Variants in KLHL14 observed in about 807,000 individuals in gnomAD.
KLHL14 encodes the protein kelch-like protein 14.
Under a neutral mutation model 64.3 loss-of-function variants are expected in KLHL14, and 22 were observed. That is an observed-to-expected ratio of 0.34 (90% confidence interval 0.24 to 0.49). The LOEUF (loss-of-function observed/expected upper bound fraction) is 0.49, where lower values mean the gene tolerates loss of function less well. Ranked by LOEUF, KLHL14 falls within the 20% of genes least tolerant of loss-of-function variation. KLHL14 has a pLI of 0.99. For missense variants in KLHL14, 661 were observed against 789.0 expected (o/e 0.84, Z 1.94); for synonymous variants, 322 against 333.4 (o/e 0.97, Z 0.37).
intron 3 of KLHL14, among the ~76,000 whole-genome samples, chr18:32,739,701 AAT>A (rs1217579171): frequency 2.8e-5 from 4 of 142,238 alleles, no homozygotes; most frequent in Non-Finnish European, 6.4e-5. Context: ...AAATCTAATA[AAT>A]AGAGTCAATA....
Position 32,683,488 on chromosome 18 carries a change from G to A in KLHL14, c.1239-2889C>T, listed in dbSNP as rs1409158719. On this transcript the variant is annotated intron_variant, in intron 5 of 8. Transcript: ENST00000359358. This position sits in a 1 kb window ranked among gnomAD's most constrained non-coding sequence, Gnocchi z 4.2. ...CCCATACCAGGTCTCTCTTGACAAT[G>A]CTCCCTGCCCCTCTTCGCCACATGA... Among the ~76,000 whole-genome samples the A allele has an allele frequency of 6.6e-6, 1 of 152,112 alleles. No individual in the cohort carries two copies. Among genetic ancestry groups the A allele is most frequent in the African/African-American group, 2.4e-5 (1 of 41,440 alleles).
In KLHL14 at chr18:32,684,917, G is replaced by C. The variant is rs146635292; in HGVS notation, c.1238+2238C>G. ...CATTTTAAGTTATGGATTGTTGCCTGGGTCAACCAGCCCATAGGAGAGATG... is the reference window on the plus strand; with the variant it reads ...CATTTTAAGTTATGGATTGTTGCCTCGGTCAACCAGCCCATAGGAGAGATG... On this transcript the variant is annotated intron_variant, in intron 5 of 8. Transcript: ENST00000359358. 3.1e-3 allele frequency among the ~76,000 whole-genome samples: 476 copies of C among 152,102 alleles called. 1 individual carries two copies. The highest frequency in any genetic ancestry group is 0.011 in the African/African-American group (458 of 41,496).
chr18:32,696,567 G>A (rs2144486973), intron 3 of KLHL14, among the ~76,000 whole-genome samples: 1 of 152,300 alleles, frequency 6.6e-6, no homozygotes, highest in East Asian at 1.9e-4. Flanking sequence ...GAGGTGATGT[G>A]CATGTTCAGG....
intron 2 of KLHL14, among the ~76,000 whole-genome samples, chr18:32,760,613 T>C (rs2050309488): frequency 6.6e-6 from 1 of 152,176 alleles, no homozygotes; most frequent in Non-Finnish European, 1.5e-5. Context: ...AGCTGAGCTC[T>C]GAGGAAGTTC....
chr18:32,700,438 C>G (rs1012753621), intron 3 of KLHL14, among the ~76,000 whole-genome samples: 1 of 152,134 alleles, frequency 6.6e-6, no homozygotes, highest in Non-Finnish European at 1.5e-5. Flanking sequence ...CCACCCTCAG[C>G]CTTTCAGTTC....
intron 3 of KLHL14, among the ~76,000 whole-genome samples, chr18:32,729,218 G>C (rs1234837960): frequency 6.6e-6 from 1 of 152,170 alleles, no homozygotes; most frequent in African/African-American, 2.4e-5. Context: ...TTGTTTCCTT[G>C]CCTGTAGGGA....
chr18:32,710,895 A>C (rs2144499967), intron 3 of KLHL14, among the ~76,000 whole-genome samples: 1 of 151,310 alleles, frequency 6.6e-6, no homozygotes, highest in East Asian at 2.0e-4. Context: ...CGTGTAGTGG[A>C]GGTGTAAGGA....
rs976221462 is a variant in KLHL14 at position 32,673,397 on chromosome 18, T to C, written c.*1260A>G. On this transcript the variant is annotated 3_prime_UTR_variant, in exon 9 of 9. Coordinates refer to ENST00000359358, the MANE Select transcript of KLHL14 (RefSeq NM_020805.3). Reference sequence around the variant, plus strand: ...AGCTCTGGAGGGCTTGAAAATCGAATGTGCATTCCTGTCAGTTTTGTCCTT... The same window carrying C: ...AGCTCTGGAGGGCTTGAAAATCGAACGTGCATTCCTGTCAGTTTTGTCCTT... 2.6e-5 allele frequency: 4 copies of C among 152,216 alleles called. No individual in the cohort carries two copies. The highest frequency in any genetic ancestry group is 4.4e-5 in the Non-Finnish European group (3 of 68,038). 9.4% of individuals were successfully genotyped at this position (152,216 alleles called of 1,614,324 possible). A position where few individuals can be genotyped will look rare whatever the true frequency, so the allele number is the denominator to read the frequency against.
intron 3 of KLHL14, among the ~76,000 whole-genome samples, chr18:32,708,037 T>G (rs968696424): frequency 2.6e-5 from 4 of 152,276 alleles, no homozygotes; most frequent in Middle Eastern, 3.4e-3. Flanking sequence ...CAGGGAGAGA[T>G]AAATTATCCA....
chr18:32,730,974 C>G (rs2050134445), intron 3 of KLHL14, among the ~76,000 whole-genome samples: 1 of 152,146 alleles, frequency 6.6e-6, no homozygotes, highest in Admixed American at 6.5e-5. Context: ...TCAGCACTCC[C>G]CTTTCACAAA....
chr18:32,716,542 G>A (rs551072204), intron 3 of KLHL14, among the ~76,000 whole-genome samples: 1 of 152,136 alleles, frequency 6.6e-6, no homozygotes, highest in Non-Finnish European at 1.5e-5. Context: ...AGCCTCCTGA[G>A]TAGCTGGGAT....
intron 8 of KLHL14, 52 bp from the exon 9 acceptor site, chr18:32,674,849 T>C: frequency 7.9e-6 from 6 of 758,318 alleles, no homozygotes; most frequent in Non-Finnish European, 1.5e-5. Flanking sequence ...AGAAGTGCAA[T>C]GGCAATGTTA....
chr18:32,702,553 T>C (rs2049971231), intron 3 of KLHL14, among the ~76,000 whole-genome samples: 1 of 151,482 alleles, frequency 6.6e-6, no homozygotes, highest in African/African-American at 2.4e-5. Flanking sequence ...AAGGGCTTGA[T>C]AGATATTATT....
At chr18:32,738,542 C>T (rs763665222) in intron 3 of KLHL14, 6 of 152,080 alleles carry the variant, frequency 3.9e-5, no homozygotes, top group Non-Finnish European at 7.4e-5. Context: ...TACAAAAAGA[C>T]GTTGCAGTCA....
At chr18:32,698,080 G>C (rs1256692405) in intron 3 of KLHL14, among the ~76,000 whole-genome samples, 2 of 152,128 alleles carry the variant, frequency 1.3e-5, no homozygotes, top group Non-Finnish European at 2.9e-5. Context: ...TTCAATCAAT[G>C]TTTGAATTTT....
chr18:32,681,369 A>T (rs2049837827), intron 5 of KLHL14, among the ~76,000 whole-genome samples: 1 of 152,148 alleles, frequency 6.6e-6, no homozygotes, highest in South Asian at 2.1e-4. Context: ...GAAGACACTG[A>T]GGACCTGAAT....
chr18:32,679,842 G>T (rs1015651772), intron 7 of KLHL14, among the ~76,000 whole-genome samples: 1 of 152,032 alleles, frequency 6.6e-6, no homozygotes, highest in Non-Finnish European at 1.5e-5. Flanking sequence ...TACAACTTTG[G>T]TGATAAGAAA....
intron 2 of KLHL14, among the ~76,000 whole-genome samples, chr18:32,765,101 G>A (rs1421094827): frequency 6.6e-6 from 1 of 152,088 alleles, no homozygotes; most frequent in Non-Finnish European, 1.5e-5. Context: ...ATGCTTAACT[G>A]CTCTGTGCAT....
intron 4 of KLHL14, among the ~76,000 whole-genome samples, chr18:32,692,524 C>G (rs2049912633): frequency 6.6e-6 from 1 of 152,156 alleles, no homozygotes; most frequent in Non-Finnish European, 1.5e-5. Context: ...ATACAAGACT[C>G]TCATATTTTA....
Sources: allele counts gnomAD v4.1 joint callset (sites outside exome capture counted in the v4.1 genomes callset), GRCh38; gene constraint gnomAD v4.1.1; non-coding constraint Gnocchi (gnomAD v3.1); transcripts MANE v1.5; gene names NCBI Gene and HGNC (gene_info 2026-07-23, HGNC 2026-07-21).